Variants in TXNDC11 observed in about 807,000 individuals in gnomAD.
TXNDC11 encodes thioredoxin domain containing 11.
A neutral mutation model predicts 78.0 loss-of-function variants in TXNDC11; 68 were observed. The observed-to-expected ratio is 0.87, with a 90% CI of 0.72 to 1.07. The LOEUF is 1.07. Ranked by LOEUF, TXNDC11 falls within the 50% of genes least tolerant of loss-of-function variation. The pLI, the probability that TXNDC11 is intolerant of heterozygous loss-of-function variation, is 0.00. For missense variants in TXNDC11, 1,389 were observed against 1,221.8 expected, an observed-to-expected ratio of 1.14 and a Z score of -2.04; for synonymous variants, 571 against 495.2, an observed-to-expected ratio of 1.15 and a Z score of -2.03.
intron 1 of TXNDC11, among the ~76,000 whole-genome samples, chr16:11,741,493 C>T (rs1453643361): frequency 6.6e-6 from 1 of 152,174 alleles, no homozygotes; most frequent in Non-Finnish European, 1.5e-5. Flanking sequence ...AGAAACTCTG[C>T]ATTTGCTGTT....
At chr16:11,688,213 CA>C in intron 9 of TXNDC11, 89 bp downstream of exon 9, 2 of 1,437,666 alleles carry the variant, frequency 1.4e-6, no homozygotes. Flanking sequence ...TTCTATACAT[CA>C]AAAACAGCTG....
At chr16:11,705,903 A>G (rs1418606048) in intron 5 of TXNDC11, among the ~76,000 whole-genome samples, 1 of 152,180 alleles carries the variant, frequency 6.6e-6, no homozygotes, top group African/African-American at 2.4e-5. Flanking sequence ...CCTTATCCAG[A>G]GTGTTTTCTG....
intron 4 of TXNDC11, among the ~76,000 whole-genome samples, chr16:11,727,998 C>A (rs2051934410): frequency 6.6e-6 from 1 of 152,160 alleles, no homozygotes; most frequent in Non-Finnish European, 1.5e-5. Flanking sequence ...AAATATCCTA[C>A]AAACCACAGG....
At chr16:11,733,117 C>A (rs1026485614) in intron 3 of TXNDC11, among the ~76,000 whole-genome samples, 8 of 151,958 alleles carry the variant, frequency 5.3e-5, no homozygotes, top group African/African-American at 1.9e-4. Flanking sequence ...ATTAGCCGGG[C>A]GTGGTGGCAG....
intron 11 of TXNDC11, among the ~76,000 whole-genome samples, chr16:11,682,310 C>T (rs1006086616): frequency 3.3e-5 from 5 of 152,228 alleles, no homozygotes; most frequent in Admixed American, 3.3e-4. Context: ...AGCCATAAAG[C>T]TTTGGTTTAC....
chr16:11,700,749 T>C (rs2050990701), intron 5 of TXNDC11, among the ~76,000 whole-genome samples, 185 bp from the exon 6 acceptor site: 1 of 152,174 alleles, frequency 6.6e-6, no homozygotes, highest in Non-Finnish European at 1.5e-5. Flanking sequence ...GCCCCTCAGA[T>C]GTCAAGCCTG....
chr16:11,699,834 T>C (rs911352201), intron 6 of TXNDC11, among the ~76,000 whole-genome samples: 1 of 152,202 alleles, frequency 6.6e-6, no homozygotes, highest in Admixed American at 6.5e-5. Flanking sequence ...CTCAGTGATG[T>C]GACTTAGGAA....
rs1290618719 is a variant in TXNDC11, at chr16:11,688,345, T to C, written c.2001A>G (p.Glu667=). Residue 667 remains glutamate, a synonymous_variant, in exon 9 of 12, where the codon GAA becomes GAG. Transcript: ENST00000283033. ...AQFPSQHLIT[E]VTTDTFWEVV... is the part of the protein sequence containing the mutation. ...CTTCCCAAAAGGTATCAGTTGTCACTTCAGTGATTAAATGCTGAGACGGGA... is the reference window on the plus strand; with the variant it reads ...CTTCCCAAAAGGTATCAGTTGTCACCTCAGTGATTAAATGCTGAGACGGGA... 2.5e-6 allele frequency: 4 copies of C among 1,614,076 alleles called. No homozygotes were observed. Among genetic ancestry groups the C allele is most frequent in the Non-Finnish European group, 3.4e-6 (4 of 1,180,034 alleles).
intron 4 of TXNDC11, 62 bp downstream of exon 4, chr16:11,730,583 C>T: frequency 6.5e-7 from 1 of 1,538,708 alleles, no homozygotes; most frequent in South Asian, 1.2e-5. Context: ...TTAAAACAAA[C>T]AATCCAATAC....
Position 11,679,117 on chromosome 16 carries a change from TA to T in TXNDC11, c.*77del. On this transcript the variant is annotated 3_prime_UTR_variant, in exon 12 of 12. Coordinates refer to ENST00000283033, the MANE Select transcript of TXNDC11 (RefSeq NM_015914.7). The surrounding 1 kb of genome is among the most constrained non-coding windows in gnomAD (Gnocchi z 4.6). ...CCACTGAGAAAATCTTTATTTACAA[TA>T]AATTTCAATAAAATTTGCATAAATA... The T allele has an allele frequency of 6.9e-7, 1 of 1,440,072 alleles. No homozygotes were observed. The highest frequency in any genetic ancestry group is 9.4e-7 in the Non-Finnish European group (1 of 1,059,336). The allele number at this position is 1,440,072 out of a possible 1,614,324, so 89.2% of individuals were successfully genotyped here.
intron 8 of TXNDC11, chr16:11,689,880 C>T (rs367911636): frequency 5.3e-5 from 8 of 152,092 alleles, no homozygotes; most frequent in Non-Finnish European, 1.0e-4. Flanking sequence ...TCTATAATAT[C>T]GACAGATTTA....
intron 5 of TXNDC11, among the ~76,000 whole-genome samples, chr16:11,712,398 G>A: frequency 6.6e-6 from 1 of 152,030 alleles, no homozygotes; most frequent in Non-Finnish European, 1.5e-5. Flanking sequence ...TCTCCACTGA[G>A]CCATCTTCCC....
intron 5 of TXNDC11, among the ~76,000 whole-genome samples, chr16:11,711,487 C>G (rs571738626): frequency 6.6e-6 from 1 of 152,184 alleles, no homozygotes; most frequent in South Asian, 2.1e-4. Context: ...TACCCACATC[C>G]CTTGGTTTGT....
At chr16:11,700,593 GA>G in intron 5 of TXNDC11, 29 bp from the exon 6 acceptor site, 1 of 1,169,528 alleles carries the variant, frequency 8.6e-7, no homozygotes, top group Non-Finnish European at 1.3e-6. Context: ...CTTTATTAAA[GA>G]AAAGGCCTGT....
intron 10 of TXNDC11, 28 bp from the exon 11 acceptor site, chr16:11,684,273 A>C: frequency 1.3e-6 from 2 of 1,562,116 alleles, no homozygotes; most frequent in Non-Finnish European, 1.8e-6. Context: ...CAGAAATGGC[A>C]GATGATCAGC....
chr16:11,718,418 G>A (rs1164814043), intron 5 of TXNDC11, among the ~76,000 whole-genome samples: 1 of 152,012 alleles, frequency 6.6e-6, no homozygotes, highest in Admixed American at 6.6e-5. Flanking sequence ...TGTGTCAAAT[G>A]TTTCTCCAGC....
At chr16:11,715,529 G>C (rs1279675319) in intron 5 of TXNDC11, among the ~76,000 whole-genome samples, 1 of 151,990 alleles carries the variant, frequency 6.6e-6, no homozygotes, top group Admixed American at 6.6e-5. Context: ...TGAGCCTGAA[G>C]GGCCAGGCAC....
chr16:11,733,570 T>G (rs1029628992), intron 3 of TXNDC11, among the ~76,000 whole-genome samples: 1 of 152,132 alleles, frequency 6.6e-6, no homozygotes, highest in Non-Finnish European at 1.5e-5. Flanking sequence ...GTACTTGTAG[T>G]AATTTTCTTC....
chr16:11,679,491 C>T lies in TXNDC11; in HGVS notation c.2581G>A (p.Ala861Thr). The part of the protein sequence containing the change: ...LLHAHSEQLQ[A>T]LYEQKTRELQ... ...TCACGTGTCTTCTGCTCATAGAGGG[C>T]CTGCAGCTGCTCACTGTGTGCGTGG... Residue 861 changes from alanine to threonine, a missense_variant, in exon 12 of 12, where the codon GCC becomes ACC. By Grantham distance (58) the Ala-to-Thr change is moderately conservative. Coordinates refer to ENST00000283033, the MANE Select transcript of TXNDC11 (RefSeq NM_015914.7). The surrounding 1 kb of genome is among the most constrained non-coding windows in gnomAD (Gnocchi z 4.6). 1 of 1,613,548 alleles carries T rather than the reference C, an allele frequency of 6.2e-7. No homozygotes were observed. The highest frequency in any genetic ancestry group is 8.5e-7 in the Non-Finnish European group (1 of 1,180,022).
Sources: allele counts gnomAD v4.1 joint callset (sites outside exome capture counted in the v4.1 genomes callset), GRCh38; gene constraint gnomAD v4.1.1; non-coding constraint Gnocchi (gnomAD v3.1); transcripts MANE v1.5; gene names NCBI Gene and HGNC (gene_info 2026-07-23, HGNC 2026-07-21).